Variants in ATAD1 observed in about 807,000 individuals in gnomAD.
ATAD1 encodes the protein outer mitochondrial transmembrane helix translocase.
A neutral mutation model predicts 42.7 loss-of-function variants in ATAD1; 18 were observed. The observed-to-expected ratio is 0.42, with a 90% CI of 0.29 to 0.63. The LOEUF (loss-of-function observed/expected upper bound fraction) is 0.63. Ranked by LOEUF, ATAD1 falls within the 20% of genes least tolerant of loss-of-function variation. The pLI is 0.19. For missense variants in ATAD1, 294 were observed against 440.4 expected (o/e 0.67, Z 2.98); for synonymous variants, 132 against 143.1 (o/e 0.92, Z 0.55).
At chr10:87,767,524 C>A in intron 8 of ATAD1, 149 bp downstream of exon 8, 1 of 726,538 alleles carries the variant, frequency 1.4e-6, no homozygotes, top group Non-Finnish European at 2.4e-6. Flanking sequence ...CAGTTCCTAA[C>A]AGGCCATAGA....
intron 6 of ATAD1, among the ~76,000 whole-genome samples, chr10:87,775,572 G>A (rs1448246107): frequency 7.1e-6 from 1 of 140,836 alleles, no homozygotes; most frequent in Non-Finnish European, 1.5e-5. Flanking sequence ...CAGCAATCTG[G>A]CTGAAAAAAC....
At chr10:87,780,794 A>T (rs1855527178) in intron 5 of ATAD1, among the ~76,000 whole-genome samples, 2 of 152,230 alleles carry the variant, frequency 1.3e-5, no homozygotes, top group African/African-American at 4.8e-5. Flanking sequence ...TGTTGTTAAC[A>T]TCTACATACA....
intron 1 of ATAD1, among the ~76,000 whole-genome samples, chr10:87,817,112 T>C (rs575799596): frequency 6.6e-6 from 1 of 152,342 alleles, no homozygotes; most frequent in African/African-American, 2.4e-5. Flanking sequence ...TAGTCTACCT[T>C]TTTAAATTAC....
At chr10:87,828,657 G>A (rs1168521672) in intron 1 of ATAD1, among the ~76,000 whole-genome samples, 1 of 152,186 alleles carries the variant, frequency 6.6e-6, no homozygotes, top group African/African-American at 2.4e-5. Flanking sequence ...AGACAAAACA[G>A]CCTTTTATTG....
intron 5 of ATAD1, among the ~76,000 whole-genome samples, chr10:87,777,634 T>A (rs989238301): frequency 3.3e-5 from 5 of 152,044 alleles, no homozygotes; most frequent in Admixed American, 1.3e-4. Flanking sequence ...TAGGATTTTC[T>A]AGTACAATCC....
At chr10:87,805,988 T>C (rs960952253) in intron 2 of ATAD1, among the ~76,000 whole-genome samples, 4 of 152,146 alleles carry the variant, frequency 2.6e-5, no homozygotes, top group Non-Finnish European at 5.9e-5. Flanking sequence ...TTCTCCTTCT[T>C]TGGCTATGGT....
At chr10:87,839,707 C>A (rs1383773823) in intron 1 of ATAD1, among the ~76,000 whole-genome samples, 1 of 151,972 alleles carries the variant, frequency 6.6e-6, no homozygotes, top group Admixed American at 6.6e-5. Flanking sequence ...TTCTTTCTTC[C>A]CCCCCGCCGC....
At chr10:87,758,821 T>G (rs1854347902) in intron 8 of ATAD1, among the ~76,000 whole-genome samples, 1 of 152,100 alleles carries the variant, frequency 6.6e-6, no homozygotes, top group South Asian at 2.1e-4. Flanking sequence ...TCAAAACATA[T>G]ACAGCAGAAA....
rs116451244 is a variant in ATAD1 at position 87,836,768 on chromosome 10, G to A, written c.-14+4419C>T. Among the ~76,000 whole-genome samples, 1,016 of 152,214 alleles carry A rather than the reference G, an allele frequency of 6.7e-3. 12 individuals carry two copies. Among genetic ancestry groups the A allele is most frequent in the Middle Eastern group, 0.024 (7 of 294 alleles). On this transcript the variant is annotated intron_variant, in intron 1 of 4. Transcript: ENST00000495903. ...TATTCTTTCAAATATTTGGTACTAC[G>A]TTGTATTCTTTCCTTTCTTCTTCTG...
intron 6 of ATAD1, among the ~76,000 whole-genome samples, chr10:87,771,513 T>C (rs1289222082): frequency 6.6e-6 from 1 of 152,124 alleles, no homozygotes; most frequent in African/African-American, 2.4e-5. Context: ...CTGAAGATTC[T>C]GGTAACTGTA....
chr10:87,758,398 G>A (rs934076156), intron 8 of ATAD1, among the ~76,000 whole-genome samples: 1 of 151,968 alleles, frequency 6.6e-6, no homozygotes. Flanking sequence ...AGGACTAGAG[G>A]GTTGGGACAA....
intron 2 of ATAD1, among the ~76,000 whole-genome samples, chr10:87,797,002 T>C (rs1856424550): frequency 2.0e-5 from 3 of 152,194 alleles, no homozygotes; most frequent in Admixed American, 1.3e-4. Context: ...AGCTCACTCC[T>C]AGCAGGGAAG....
chr10:87,771,547 T>C (rs1275194544), intron 6 of ATAD1, among the ~76,000 whole-genome samples: 2 of 152,142 alleles, frequency 1.3e-5, no homozygotes, highest in African/African-American at 4.8e-5. Context: ...ACTTTTTCTC[T>C]ATATTTCACA....
At chr10:87,825,308 CTTT>C (rs1267573215) in intron 1 of ATAD1, among the ~76,000 whole-genome samples, 8 of 132,920 alleles carry the variant, frequency 6.0e-5, no homozygotes, top group Admixed American at 7.9e-5. Flanking sequence ...AAATCTTAAC[CTTT>C]TTTTTTTTTT....
At chr10:87,759,811 C>T (rs1854398768) in intron 8 of ATAD1, 1 of 454,132 alleles carries the variant, frequency 2.2e-6, no homozygotes, top group African/African-American at 2.0e-5. Flanking sequence ...CTAATATGTA[C>T]TCCTTAGATA....
chr10:87,758,770 TACA>T (rs1315881493), intron 8 of ATAD1, among the ~76,000 whole-genome samples: 32 of 151,902 alleles, frequency 2.1e-4, no homozygotes, highest in Admixed American at 1.6e-3. Context: ...ACCAGAAAAA[TACA>T]ACAATTCTGC....
At chr10:87,780,759 T>C (rs1855525704) in intron 5 of ATAD1, among the ~76,000 whole-genome samples, 1 of 152,166 alleles carries the variant, frequency 6.6e-6, no homozygotes, top group Non-Finnish European at 1.5e-5. Flanking sequence ...CATATAGACA[T>C]ATACAGCATC....
intron 8 of ATAD1, chr10:87,759,763 C>A: frequency 2.2e-6 from 1 of 455,766 alleles, no homozygotes; most frequent in Non-Finnish European, 4.4e-6. Context: ...TATTACAAAA[C>A]TTCTCTGGGT....
chr10:87,784,383 C>A (rs1855719117), intron 5 of ATAD1, 87 bp downstream of exon 5: 1 of 1,224,494 alleles, frequency 8.2e-7, no homozygotes, highest in South Asian at 1.3e-5. Context: ...ATTAACATGG[C>A]CTAATAAATG....
Sources: gnomAD v4.1 joint callset for allele counts (sites outside exome capture counted in the v4.1 genomes callset) on GRCh38, gnomAD v4.1.1 for gene constraint, MANE v1.5 for transcripts, NCBI Gene and HGNC (gene_info 2026-07-23, HGNC 2026-07-21) for gene names.